The following FANCC variants were observed in gnomAD, a reference collection of about 807,000 sequenced individuals.
FANCC encodes Fanconi anemia group C protein.
A neutral mutation model predicts 71.3 loss-of-function variants in FANCC; 55 were observed. The observed-to-expected ratio is 0.77, with a 90% CI of 0.62 to 0.97. The LOEUF (loss-of-function observed/expected upper bound fraction) is 0.97. FANCC is among the 50% of genes least tolerant of loss of function. The pLI, the probability that FANCC is intolerant of heterozygous loss-of-function variation, is 0.00. For synonymous variants in FANCC, 275 were observed against 244.9 expected (o/e 1.12, Z -1.15); for missense variants, 678 against 670.9 (o/e 1.01, Z -0.12).
chr9:95,217,872 A>G (rs1000486139), intron 4 of FANCC, among the ~76,000 whole-genome samples: 1 of 152,172 alleles, frequency 6.6e-6, no homozygotes, highest in African/African-American at 2.4e-5. Flanking sequence ...ATGGGGGAGA[A>G]AAAAGGGAGA....
intron 6 of FANCC, among the ~76,000 whole-genome samples, chr9:95,164,966 G>A (rs1830980185): frequency 6.6e-6 from 1 of 152,006 alleles, no homozygotes; most frequent in Admixed American, 6.6e-5. Context: ...CTCTTTACTA[G>A]TTGTAGGTCT....
chr9:95,167,758 G>A (rs746678868), intron 6 of FANCC, among the ~76,000 whole-genome samples: 13 of 152,118 alleles, frequency 8.5e-5, no homozygotes, highest in Non-Finnish European at 5.9e-5. Flanking sequence ...GTAGTGCCTT[G>A]AGATCCCTTA....
chr9:95,202,930 A>G (rs1294811504), intron 4 of FANCC, among the ~76,000 whole-genome samples: 1 of 152,238 alleles, frequency 6.6e-6, no homozygotes, highest in Admixed American at 6.5e-5. Flanking sequence ...ATGGTAATCT[A>G]CAATGTTTGT....
intron 1 of FANCC, among the ~76,000 whole-genome samples, chr9:95,284,215 T>G (rs1168456378): frequency 2.0e-5 from 3 of 152,166 alleles, no homozygotes; most frequent in Admixed American, 2.0e-4. Context: ...GAATAAGCAT[T>G]AATGTCCTGA....
intron 6 of FANCC, 31 bp downstream of exon 6, chr9:95,171,048 T>C (rs2135577513): frequency 1.3e-6 from 2 of 1,572,000 alleles, no homozygotes; most frequent in Non-Finnish European, 1.8e-6. Context: ...TTTTGAAACC[T>C]GAGAAGAAGG....
chr9:95,124,839 T>A (rs1825727367), intron 10 of FANCC, among the ~76,000 whole-genome samples: 1 of 152,206 alleles, frequency 6.6e-6, no homozygotes. Flanking sequence ...CCATGCATGC[T>A]GGCATGACAG....
At chr9:95,129,915 C>A (rs1227073986) in intron 8 of FANCC, among the ~76,000 whole-genome samples, 1 of 152,186 alleles carries the variant, frequency 6.6e-6, no homozygotes, top group Non-Finnish European at 1.5e-5. Context: ...AAGAGCTTTC[C>A]CTCTGATCTC....
intron 1 of FANCC, among the ~76,000 whole-genome samples, chr9:95,296,003 A>G (rs1834352258): frequency 6.6e-6 from 1 of 152,184 alleles, no homozygotes; most frequent in African/African-American, 2.4e-5. Flanking sequence ...AATAATAACA[A>G]AACAGGCAGG....
chr9:95,314,296 T>G (rs1352164463), intron 1 of FANCC, among the ~76,000 whole-genome samples: 1 of 152,244 alleles, frequency 6.6e-6, no homozygotes, highest in Admixed American at 6.5e-5. Context: ...ATAATGAAAT[T>G]TTAAAAATAA....
intron 1 of FANCC, chr9:95,294,076 A>G (rs538440321): frequency 1.9e-6 from 3 of 1,610,588 alleles, no homozygotes; most frequent in East Asian, 2.2e-5. Flanking sequence ...TTCACAGAAC[A>G]TGACAGATAA....
chr9:95,154,391 T>C (rs1035271287), intron 6 of FANCC, among the ~76,000 whole-genome samples: 1 of 152,120 alleles, frequency 6.6e-6, no homozygotes, highest in African/African-American at 2.4e-5. Context: ...TGCTACCATT[T>C]CTTCTTACAG....
At chr9:95,142,527 G>A (rs1284509907) in intron 7 of FANCC, 1 of 152,216 alleles carries the variant, frequency 6.6e-6, no homozygotes, top group African/African-American at 2.4e-5. Context: ...CATTTAGGGT[G>A]GAGTGGCTGT....
intron 4 of FANCC, among the ~76,000 whole-genome samples, chr9:95,211,096 A>G (rs190142219): frequency 6.6e-6 from 1 of 152,316 alleles, no homozygotes; most frequent in African/African-American, 2.4e-5. Flanking sequence ...AAAACTAGAA[A>G]ACTGAACAAA....
chr9:95,310,557 A>G (rs1177808780), intron 1 of FANCC, among the ~76,000 whole-genome samples: 1 of 152,182 alleles, frequency 6.6e-6, no homozygotes, highest in Non-Finnish European at 1.5e-5. Context: ...CTGTTCCAGC[A>G]TCCCAAGTAA....
chr9:95,138,230 T>C (rs2135228094), intron 7 of FANCC, among the ~76,000 whole-genome samples: 1 of 152,212 alleles, frequency 6.6e-6, no homozygotes, highest in South Asian at 2.1e-4. Flanking sequence ...TTGGAGTGAG[T>C]ACAGGACCAC....
chr9:95,111,153 G>C, intron 13 of FANCC: 1 of 1,534,854 alleles, frequency 6.5e-7, no homozygotes, highest in Non-Finnish European at 8.7e-7. Flanking sequence ...ACGCCTTGGA[G>C]GACGCGACCC....
chr9:95,181,092 C>A (rs1482006546), intron 4 of FANCC, among the ~76,000 whole-genome samples: 1 of 151,792 alleles, frequency 6.6e-6, no homozygotes, highest in Non-Finnish European at 1.5e-5. Flanking sequence ...ATGCCGGAAA[C>A]CTTGAATGTA....
intron 6 of FANCC, 85 bp from the exon 7 acceptor site, chr9:95,150,172 C>T (rs1830093418): frequency 7.0e-7 from 1 of 1,423,166 alleles, no homozygotes; most frequent in Admixed American, 1.8e-5. Flanking sequence ...CTAAAAAGGT[C>T]AAAGACAGAT....
At chr9:95,292,541 C>T in intron 1 of FANCC, 1 of 1,481,250 alleles carries the variant, frequency 6.8e-7, no homozygotes, top group Non-Finnish European at 9.1e-7. Context: ...GGGAGCTGAT[C>T]CAGCAGTAGG....
Sources: gnomAD v4.1 joint callset for allele counts (sites outside exome capture counted in the v4.1 genomes callset) on GRCh38, gnomAD v4.1.1 for gene constraint, MANE v1.5 for transcripts, NCBI Gene and HGNC (gene_info 2026-07-23, HGNC 2026-07-21) for gene names.